The following DOK6 variants were observed in gnomAD, a reference collection of about 807,000 sequenced individuals.
DOK6 encodes the protein downstream of tyrosine kinase 6.
Under a neutral mutation model 44.0 loss-of-function variants are expected in DOK6, and 22 were observed. The observed-to-expected ratio is 0.50, with a 90% CI of 0.36 to 0.71. The LOEUF is 0.71. Ranked by LOEUF, DOK6 falls within the 30% of genes least tolerant of loss-of-function variation. The pLI, the probability that DOK6 is intolerant of heterozygous loss-of-function variation, is 0.00. For missense variants in DOK6, 340 were observed against 416.4 expected, an observed-to-expected ratio of 0.82 and a Z score of 1.60; for synonymous variants, 166 against 145.5, an observed-to-expected ratio of 1.14 and a Z score of -1.01.
At chr18:69,611,495 TACACAC>T (rs58620722) in intron 3 of DOK6, among the ~76,000 whole-genome samples, 7 of 150,802 alleles carry the variant, frequency 4.6e-5, no homozygotes, top group African/African-American at 1.7e-4. Context: ...CAAGTACACG[TACACAC>T]ACACACACAC....
chr18:69,489,559 A>G (rs564943340), intron 1 of DOK6, among the ~76,000 whole-genome samples: 1 of 152,274 alleles, frequency 6.6e-6, no homozygotes, highest in African/African-American at 2.4e-5. Flanking sequence ...TATTGTCACC[A>G]TGATCGATTA....
intron 5 of DOK6, among the ~76,000 whole-genome samples, chr18:69,713,345 C>G (rs1255866720): frequency 4.6e-5 from 7 of 152,182 alleles, no homozygotes; most frequent in Admixed American, 3.3e-4. Context: ...TTTCTGTCAT[C>G]ATTATACCAA....
intron 1 of DOK6, among the ~76,000 whole-genome samples, chr18:69,455,763 C>A (rs567423961): frequency 6.6e-6 from 1 of 152,204 alleles, no homozygotes; most frequent in South Asian, 2.1e-4. Flanking sequence ...AGTCCTTCTC[C>A]TTCAGTAAAA....
chr18:69,477,117 C>T (rs8084206), intron 1 of DOK6, among the ~76,000 whole-genome samples: 65,842 of 152,006 alleles, frequency 0.43, 14,982 homozygotes, highest in Middle Eastern at 0.54. Flanking sequence ...TGGATGACTG[C>T]GTATTGTTGT....
chr18:69,692,273 A>G (rs1986285097), intron 4 of DOK6, among the ~76,000 whole-genome samples: 1 of 152,242 alleles, frequency 6.6e-6, no homozygotes, highest in Admixed American at 6.5e-5. Context: ...CTCATCTGAG[A>G]CATAAAGTTG....
At chr18:69,489,649 T>G (rs1034943624) in intron 1 of DOK6, among the ~76,000 whole-genome samples, 2 of 152,230 alleles carry the variant, frequency 1.3e-5, no homozygotes, top group African/African-American at 4.8e-5. Context: ...CCTGTTTCTT[T>G]TGTTAATTAC....
intron 1 of DOK6, among the ~76,000 whole-genome samples, chr18:69,451,957 G>A (rs1456492815): frequency 7.7e-6 from 1 of 129,392 alleles, no homozygotes; most frequent in Non-Finnish European, 1.6e-5. Context: ...ACAAGAGAAA[G>A]CAGGAAAGAT....
In DOK6 at chr18:69,472,675, C is replaced by A. The variant is rs545759784; in HGVS notation, c.66+71365C>A. ...AATTGAAAACACACTCACATACACA[C>A]AAGCACGCACACACATGCATACATA... On this transcript the variant is annotated intron_variant, in intron 1 of 7. Transcript: ENST00000382713. Among the ~76,000 whole-genome samples, 4 of 152,274 alleles carry A rather than the reference C, an allele frequency of 2.6e-5. No individual in the cohort carries two copies. In the South Asian group the frequency reaches 8.3e-4, roughly 32 times the overall value.
chr18:69,557,665 G>A (rs1337676004), intron 1 of DOK6, among the ~76,000 whole-genome samples: 1 of 152,100 alleles, frequency 6.6e-6, no homozygotes, highest in African/African-American at 2.4e-5. Context: ...TTTTCTATAT[G>A]GGAATCGGAG....
intron 5 of DOK6, among the ~76,000 whole-genome samples, chr18:69,738,479 AT>A (rs138839612): frequency 0.012 from 1,779 of 152,300 alleles, 36 homozygotes; most frequent in African/African-American, 0.04. Flanking sequence ...ATTAAAAAAA[AT>A]GTTTTTAAAA....
intron 3 of DOK6, among the ~76,000 whole-genome samples, chr18:69,613,537 A>C (rs1984213683): frequency 6.6e-6 from 1 of 152,212 alleles, no homozygotes. Context: ...AGAGAAATAA[A>C]GGGAAATAAA....
At chr18:69,435,521 G>A (rs1415334790) in intron 1 of DOK6, among the ~76,000 whole-genome samples, 1 of 152,112 alleles carries the variant, frequency 6.6e-6, no homozygotes, top group East Asian at 1.9e-4. Flanking sequence ...CTTTTCATTC[G>A]ATTGTCGACA....
At chr18:69,416,812 T>A (rs1272282491) in intron 1 of DOK6, among the ~76,000 whole-genome samples, 1 of 152,170 alleles carries the variant, frequency 6.6e-6, no homozygotes, top group Non-Finnish European at 1.5e-5. Context: ...TTGTGATCAC[T>A]TTGGAGTTGT....
intron 4 of DOK6, among the ~76,000 whole-genome samples, chr18:69,679,069 G>A (rs936154540): frequency 9.2e-5 from 14 of 152,078 alleles, no homozygotes; most frequent in African/African-American, 3.1e-4. Flanking sequence ...CCAGCTACTC[G>A]GGAGGCTGAG....
At chr18:69,634,998 C>A (rs1984770609) in intron 3 of DOK6, among the ~76,000 whole-genome samples, 1 of 152,198 alleles carries the variant, frequency 6.6e-6, no homozygotes, top group Admixed American at 6.5e-5. Context: ...CTTCCTGCCG[C>A]AGACAGCCAG....
At chr18:69,671,542 AG>A (rs1985799288) in intron 3 of DOK6, among the ~76,000 whole-genome samples, 1 of 152,242 alleles carries the variant, frequency 6.6e-6, no homozygotes, top group South Asian at 2.1e-4. Context: ...ATTCCTAATG[AG>A]GTTGAAAGAA....
intron 5 of DOK6, among the ~76,000 whole-genome samples, chr18:69,718,423 A>G (rs1986931720): frequency 6.6e-6 from 1 of 152,252 alleles, no homozygotes; most frequent in East Asian, 1.9e-4. Context: ...AAGAAGTAAC[A>G]TTGAGAAATT....
intron 1 of DOK6, among the ~76,000 whole-genome samples, chr18:69,402,703 G>A (rs1916126496): frequency 6.6e-6 from 1 of 152,252 alleles, no homozygotes; most frequent in East Asian, 1.9e-4. Context: ...AAGAGCGAGT[G>A]CGGAGCTGGG....
chr18:69,637,198 T>C (rs1382438002), intron 3 of DOK6, among the ~76,000 whole-genome samples: 1 of 152,200 alleles, frequency 6.6e-6, no homozygotes, highest in Non-Finnish European at 1.5e-5. Flanking sequence ...GACAACCCAC[T>C]GATCGTTATT....
Sources: allele counts gnomAD v4.1 joint callset (sites outside exome capture counted in the v4.1 genomes callset), GRCh38; gene constraint gnomAD v4.1.1; transcripts MANE v1.5; gene names NCBI Gene and HGNC (gene_info 2026-07-23, HGNC 2026-07-21).